The following MED1 variants were observed in gnomAD, a reference collection of about 807,000 sequenced individuals.
MED1 encodes the protein mediator of RNA polymerase II transcription subunit 1.
A neutral mutation model predicts 121.3 loss-of-function variants in MED1; 17 were observed. That is an observed-to-expected ratio of 0.14 (90% CI 0.10 to 0.21). The LOEUF (loss-of-function observed/expected upper bound fraction) is 0.21. MED1 is among the 10% of genes least tolerant of loss of function. MED1 has a pLI of 1.00. For synonymous variants in MED1, 661 were observed against 694.4 expected (o/e 0.95, Z 0.76); for missense variants, 1,558 against 1,919.4 (o/e 0.81, Z 3.52).
intron 7 of MED1, among the ~76,000 whole-genome samples, chr17:39,432,891 C>T (rs917382848): frequency 6.6e-6 from 1 of 152,086 alleles, no homozygotes; most frequent in African/African-American, 2.4e-5. Context: ...ATGGTAAAAC[C>T]CTGTCTCTAC....
chr17:39,416,178 A>G (rs968999996), intron 14 of MED1, among the ~76,000 whole-genome samples: 8 of 152,180 alleles, frequency 5.3e-5, no homozygotes, highest in Admixed American at 5.2e-4. Flanking sequence ...TCTCCAGAAC[A>G]AAAGTAGCTA....
chr17:39,413,309 C>T (rs547480715), intron 16 of MED1, among the ~76,000 whole-genome samples: 2 of 152,222 alleles, frequency 1.3e-5, no homozygotes, highest in East Asian at 3.9e-4. Flanking sequence ...ATCACCCAGG[C>T]TAAAGAACAG....
At chr17:39,433,843 G>A (rs2048593700) in intron 7 of MED1, among the ~76,000 whole-genome samples, 2 of 152,080 alleles carry the variant, frequency 1.3e-5, no homozygotes, top group Non-Finnish European at 2.9e-5. Context: ...AGAGGCATGG[G>A]CCACTTTGAC....
chr17:39,424,517 A>C (rs1038297040), intron 11 of MED1, 110 bp downstream of exon 11: 6 of 691,516 alleles, frequency 8.7e-6, no homozygotes, highest in African/African-American at 1.8e-5. Flanking sequence ...GGATAAAACA[A>C]AAGGCCAACC....
chr17:39,418,348 G>T lies in MED1; in HGVS notation c.1297+1369C>A, dbSNP rs540330270. Among the ~76,000 whole-genome samples, 446 of 92,826 alleles carry T rather than the reference G, an allele frequency of 4.8e-3. 4 individuals carry two copies. The highest frequency in any genetic ancestry group is 9.0e-3 in the Non-Finnish European group (311 of 34,658). 60.9% of individuals were successfully genotyped at this position (92,826 alleles called of 152,430 possible). ...CAGCCCAGGAGTTACAGACGAACAT[G>T]GGCAACATAGAGAGACCCTGTCTCT... On this transcript the variant is annotated intron_variant, in intron 14 of 16. Transcript: ENST00000300651.
rs552671741 is a variant in MED1 at position 39,436,879 on chromosome 17, T to C, written c.428+2286A>G. 3.7e-4 allele frequency among the ~76,000 whole-genome samples: 56 copies of C among 152,108 alleles called. 1 individual carries two copies. Among genetic ancestry groups the C allele is most frequent in the African/African-American group, 1.3e-3 (53 of 41,540 alleles). ...CACCTCCCAGGCTCAAGCCATCTTGTGCCTCAGCCTCCTGAGTAGCTGGGA... is the reference window on the plus strand; with the variant it reads ...CACCTCCCAGGCTCAAGCCATCTTGCGCCTCAGCCTCCTGAGTAGCTGGGA... On this transcript the variant is annotated intron_variant, in intron 6 of 16. Coordinates refer to ENST00000300651, the MANE Select transcript of MED1 (RefSeq NM_004774.4).
rs35668211 is a variant in MED1 at position 39,408,503 on chromosome 17, T to C, written c.3718A>G (p.Ser1240Gly). The C allele has an allele frequency of 1.4e-3, 2,340 of 1,614,172 alleles. 30 individuals carry two copies. In the African/African-American group the frequency reaches 0.028, roughly 19 times the overall value. ...CCTGAAGATGACTTCATGCCAGAGC[T>C]TGAACTAGTTCCAGACATATGAGAA... ...GGSHMSGTSS[S>G]SGMKSSSGLG... The change falls in exon 17 of 17, where the codon AGC becomes GGC. Residue 1240 changes from serine (S) to glycine (G), a missense_variant. Ser to Gly is a moderately conservative substitution (Grantham distance 56). This residue lies in a region of MED1 where 793 missense variants were observed against 898.2 expected (regional missense o/e 0.88). Coordinates refer to ENST00000300651, the MANE Select transcript of MED1 (RefSeq NM_004774.4). The surrounding 1 kb of genome is among the most constrained non-coding windows in gnomAD (Gnocchi z 4.7).
intron 1 of MED1, 82 bp downstream of exon 1, chr17:39,450,956 T>C: frequency 1.5e-6 from 2 of 1,316,222 alleles, no homozygotes; most frequent in South Asian, 2.5e-5. Flanking sequence ...GTGGCCCCCA[T>C]GGGACATCTG....
At chr17:39,428,865 T>G (rs1485825915) in intron 9 of MED1, among the ~76,000 whole-genome samples, 1 of 150,040 alleles carries the variant, frequency 6.7e-6, no homozygotes, top group Non-Finnish European at 1.5e-5. Flanking sequence ...GACAGGAGAA[T>G]TGCTTGAACC....
intron 6 of MED1, among the ~76,000 whole-genome samples, chr17:39,437,715 A>G (rs2048633070): frequency 6.6e-6 from 1 of 151,964 alleles, no homozygotes; most frequent in South Asian, 2.1e-4. Context: ...CAGGAGGATC[A>G]CCTGAGGTCA....
In MED1 at chr17:39,409,293, A is replaced by G; in HGVS notation, c.2928T>C (p.Asn976=). 6.2e-7 allele frequency: 1 copy of G among 1,614,002 alleles called. No homozygotes were observed. Among genetic ancestry groups the G allele is most frequent in the African/African-American group, 1.3e-5 (1 of 74,988 alleles). ...CCGAGAGAGTACTATTACTGGTGCC[A>G]TTGCCTTCCTTTACCCTCTTTTGAG... ...EKTQKRVKEG[N]GTSNSTLSGP... The change falls in exon 17 of 17, where the codon AAT becomes AAC. Residue 976 remains asparagine (N), a synonymous_variant. Coordinates refer to ENST00000300651, the MANE Select transcript of MED1 (RefSeq NM_004774.4).
chr17:39,449,001 C>G (rs1479643668), intron 1 of MED1, among the ~76,000 whole-genome samples: 1 of 151,830 alleles, frequency 6.6e-6, no homozygotes, highest in Non-Finnish European at 1.5e-5. Context: ...CATTTTTACA[C>G]TTGTTGTCTC....
intron 14 of MED1, among the ~76,000 whole-genome samples, 178 bp from the exon 15 acceptor site, chr17:39,415,517 A>G (rs1418833128): frequency 6.6e-6 from 1 of 152,086 alleles, no homozygotes; most frequent in Non-Finnish European, 1.5e-5. Context: ...CCACTAAAAA[A>G]TAAAAAAAAG....
chr17:39,412,199 C>T (rs2048362102), intron 16 of MED1, among the ~76,000 whole-genome samples: 1 of 149,644 alleles, frequency 6.7e-6, no homozygotes, highest in Non-Finnish European at 1.5e-5. Context: ...ACGTTTTGCT[C>T]TAGAACATAT....
Position 39,408,325 on chromosome 17 carries a change from T to C in MED1, c.3896A>G (p.Lys1299Arg). The change falls in exon 17 of 17, where the codon AAG (lysine) becomes AGG (arginine). Residue 1299 changes from lysine (K) to arginine (R), a missense_variant. Lys to Arg is a conservative substitution (Grantham distance 26). Transcript: ENST00000300651. This position sits in a 1 kb window ranked among gnomAD's most constrained non-coding sequence, Gnocchi z 4.7. ...SSKGKSPSRN[K>R]KPSLTAVIDK... ...TATGACAGCTGTCAAGGACGGCTTC[T>C]TGTTTCTGCTGGGAGATTTTCCTTT... The C allele has an allele frequency of 3.1e-6, 5 of 1,614,174 alleles. No individual in the cohort carries two copies. The highest frequency in any genetic ancestry group is 4.2e-6 in the Non-Finnish European group (5 of 1,180,032).
At chr17:39,431,873 A>T in intron 8 of MED1, 69 bp downstream of exon 8, 1 of 1,101,336 alleles carries the variant, frequency 9.1e-7, no homozygotes, top group Non-Finnish European at 1.4e-6. Flanking sequence ...AGATGTATAA[A>T]ATAGGACCCT....
chr17:39,418,351 C>A (rs2048429936), intron 14 of MED1, among the ~76,000 whole-genome samples: 1 of 87,062 alleles, frequency 1.1e-5, no homozygotes, highest in African/African-American at 2.6e-5. Context: ...CGAACATGGG[C>A]AACATAGAGA....
chr17:39,413,914 A>T (rs1323129465), intron 16 of MED1, among the ~76,000 whole-genome samples: 4 of 10,546 alleles, frequency 3.8e-4, no homozygotes, highest in African/African-American at 5.2e-4. Flanking sequence ...AATATCATTA[A>T]AAAAAAAAAA....
chr17:39,435,789 C>A (rs956583165), intron 6 of MED1, among the ~76,000 whole-genome samples: 89 of 152,204 alleles, frequency 5.8e-4, no homozygotes, highest in African/African-American at 2.1e-3. Flanking sequence ...ACAACTTCCA[C>A]CTCCTGAGTT....
Sources: gnomAD v4.1 joint callset for allele counts (sites outside exome capture counted in the v4.1 genomes callset) on GRCh38, gnomAD v4.1.1 for gene constraint, gnomAD v4.1.1 regional missense constraint, Gnocchi (gnomAD v3.1) non-coding constraint, MANE v1.5 for transcripts, NCBI Gene and HGNC (gene_info 2026-07-23, HGNC 2026-07-21) for gene names.